ELP3: variants seen among roughly 807,000 people sequenced by gnomAD.
ELP3 encodes elongator acetyltransferase complex subunit 3.
ELP3 carries 56 observed loss-of-function variants against 74.9 expected under a neutral mutation model. The ratio of observed to expected loss-of-function variants is 0.75; its 90% CI spans 0.60 to 0.93. The LOEUF (loss-of-function observed/expected upper bound fraction) is 0.93. ELP3 is among the 40% of genes least tolerant of loss of function. ELP3 has a pLI of 0.00. For synonymous variants in ELP3, 222 were observed against 239.8 expected, an observed-to-expected ratio of 0.93 and a Z score of 0.68; for missense variants, 573 against 686.5, an observed-to-expected ratio of 0.83 and a Z score of 1.85.
At chr8:28,163,401 A>G (rs1814179752) in intron 14 of ELP3, among the ~76,000 whole-genome samples, 2 of 152,200 alleles carry the variant, frequency 1.3e-5, no homozygotes, top group South Asian at 4.1e-4. Flanking sequence ...GTTGCCAATC[A>G]GTAAATCAAT....
At position 28,137,717 on chromosome 8, in the gene ELP3, C is replaced by T; in HGVS notation, c.926C>T (p.Ala309Val). 2.5e-6 allele frequency: 4 copies of T among 1,613,282 alleles called. No individual in the cohort carries two copies. Among genetic ancestry groups the T allele is most frequent in the Non-Finnish European group, 3.4e-6 (4 of 1,179,774 alleles). Reference sequence around the variant, plus strand: ...TCACAGGAGTTTTTTGAGAACCCTGCTTTTCGTCCCGATGGGCTGAAACTC... The same window carrying T: ...TCACAGGAGTTTTTTGAGAACCCTGTTTTTCGTCCCGATGGGCTGAAACTC... ...EQFTEFFENP[A>V]FRPDGLKLYP... Residue 309 changes from alanine to valine, a missense_variant, in exon 10 of 15, where the codon GCT (alanine) becomes GTT (valine). Transcript: ENST00000256398.
chr8:28,138,580 C>T (rs1479416628), intron 10 of ELP3, among the ~76,000 whole-genome samples: 1 of 152,130 alleles, frequency 6.6e-6, no homozygotes, highest in African/African-American at 2.4e-5. Flanking sequence ...CAAAAACTAC[C>T]CAGGTTCCAA....
chr8:28,131,706 C>T (rs1177354203), intron 8 of ELP3, among the ~76,000 whole-genome samples: 1 of 152,166 alleles, frequency 6.6e-6, no homozygotes, highest in Non-Finnish European at 1.5e-5. Context: ...CACGTGACCC[C>T]AAATGACTCT....
At chr8:28,157,181 G>C (rs950054271) in intron 11 of ELP3, among the ~76,000 whole-genome samples, 29 of 150,408 alleles carry the variant, frequency 1.9e-4, no homozygotes, top group African/African-American at 6.6e-4. Flanking sequence ...CTGGGATTGA[G>C]TCCAAAGGCT....
chr8:28,141,917 G>A (rs955180856), intron 10 of ELP3, among the ~76,000 whole-genome samples: 2 of 152,170 alleles, frequency 1.3e-5, no homozygotes, highest in African/African-American at 4.8e-5. Context: ...CAGAAATACC[G>A]AAAGTAACAA....
chr8:28,156,139 T>G, intron 11 of ELP3, 107 bp downstream of exon 11: 2 of 841,940 alleles, frequency 2.4e-6, no homozygotes, highest in Non-Finnish European at 1.9e-6. Flanking sequence ...GCGGGTCAGG[T>G]CAGAAAGCTC....
chr8:28,116,755 C>CA (rs1288021570), intron 7 of ELP3, among the ~76,000 whole-genome samples: 302 of 151,782 alleles, frequency 2.0e-3, no homozygotes, highest in African/African-American at 6.6e-3. Context: ...CAAACAACAA[C>CA]AAAAAAAACT....
intron 3 of ELP3, among the ~76,000 whole-genome samples, chr8:28,102,515 AAC>A (rs1438679323): frequency 6.6e-6 from 1 of 152,222 alleles, no homozygotes; most frequent in African/African-American, 2.4e-5. Flanking sequence ...AAGTATCAGA[AAC>A]ACACAGCTGG....
intron 10 of ELP3, among the ~76,000 whole-genome samples, chr8:28,152,770 C>T (rs1484963064): frequency 6.6e-6 from 1 of 152,202 alleles, no homozygotes; most frequent in African/African-American, 2.4e-5. Flanking sequence ...CATGCCACTG[C>T]ACTCCAGCCT....
chr8:28,177,451 A>C (rs1426129097), intron 14 of ELP3, among the ~76,000 whole-genome samples: 1 of 152,248 alleles, frequency 6.6e-6, no homozygotes. Flanking sequence ...CCTTGTGTTA[A>C]TGTTGGTAGA....
chr8:28,169,922 G>T (rs1487515017), intron 14 of ELP3, among the ~76,000 whole-genome samples: 1 of 152,122 alleles, frequency 6.6e-6, no homozygotes, highest in East Asian at 1.9e-4. Context: ...CATTTATAGG[G>T]CTGCTTGTCA....
chr8:28,090,483 G>A (rs1416498149), upstream of ELP3: 4 of 103,718 alleles, frequency 3.9e-5, no homozygotes, highest in African/African-American at 9.1e-5. Context: ...TGATGGGTGG[G>A]TGTGTGTGTG....
At chr8:28,121,109 C>T (rs1178651035) in intron 7 of ELP3, among the ~76,000 whole-genome samples, 2 of 152,010 alleles carry the variant, frequency 1.3e-5, no homozygotes, top group East Asian at 3.9e-4. Context: ...AACTATAGAA[C>T]AAATGGAAAG....
At chr8:28,093,104 T>G (rs186457310), upstream of ELP3, 83 of 1,546,158 alleles carry the variant, frequency 5.4e-5, no homozygotes, top group Non-Finnish European at 7.2e-5. Flanking sequence ...TACGATACAT[T>G]GACCGACATT....
chr8:28,104,370 G>A (rs890173679), intron 3 of ELP3, among the ~76,000 whole-genome samples: 5 of 152,144 alleles, frequency 3.3e-5, no homozygotes, highest in African/African-American at 1.2e-4. Flanking sequence ...TTCTGAGTTT[G>A]TATTTGAGTT....
At chr8:28,145,203 G>A (rs1813385761) in intron 10 of ELP3, among the ~76,000 whole-genome samples, 5 of 152,214 alleles carry the variant, frequency 3.3e-5, no homozygotes, top group Admixed American at 2.0e-4. Context: ...GAAGCTTTCT[G>A]ATTTGGGAAG....
chr8:28,180,772 C>G (rs1028031896), intron 14 of ELP3, among the ~76,000 whole-genome samples: 1 of 152,168 alleles, frequency 6.6e-6, no homozygotes, highest in Non-Finnish European at 1.5e-5. Flanking sequence ...ATTCCTATCC[C>G]CACCACACCA....
chr8:28,150,149 G>A (rs575068599), intron 10 of ELP3, among the ~76,000 whole-genome samples: 14 of 152,050 alleles, frequency 9.2e-5, no homozygotes, highest in Non-Finnish European at 2.1e-4. Context: ...ACATGCATAA[G>A]TAAGCATTTG....
At chr8:28,152,228 CAAGTA>C (rs998227521) in intron 10 of ELP3, among the ~76,000 whole-genome samples, 1 of 152,114 alleles carries the variant, frequency 6.6e-6, no homozygotes, top group Non-Finnish European at 1.5e-5. Flanking sequence ...TCTATTTGTT[CAAGTA>C]GAGTAGCAAC....
Sources: allele counts gnomAD v4.1 joint callset (sites outside exome capture counted in the v4.1 genomes callset), GRCh38; gene constraint gnomAD v4.1.1; transcripts MANE v1.5; gene names NCBI Gene and HGNC (gene_info 2026-07-23, HGNC 2026-07-21).